Variants in RPAP3 observed in about 807,000 individuals in gnomAD.
RPAP3 encodes the protein RNA polymerase II-associated protein 3.
RPAP3 carries 58 observed loss-of-function variants against 88.8 expected under a neutral mutation model. The ratio of observed to expected loss-of-function variants is 0.65; its 90% confidence interval spans 0.53 to 0.81. The LOEUF is 0.81. Among genes scored for constraint, RPAP3 ranks in the 40% least tolerant of loss-of-function variants. The probability of loss-of-function intolerance (pLI) is 0.00; values close to 1 mark genes in which losing one functional copy is unlikely to be tolerated. For synonymous variants in RPAP3, 255 were observed against 259.9 expected (o/e 0.98, Z 0.18); for missense variants, 751 against 764.3 (o/e 0.98, Z 0.20).
chr12:47,695,895 CAT>C (rs1197360990), intron 5 of RPAP3: 1 of 154,124 alleles, frequency 6.5e-6, no homozygotes, highest in African/African-American at 2.4e-5. Flanking sequence ...AATGTTGAAA[CAT>C]ATTTTAAGTT....
At chr12:47,698,632 C>T (rs1939584699) in intron 3 of RPAP3, among the ~76,000 whole-genome samples, 1 of 152,112 alleles carries the variant, frequency 6.6e-6, no homozygotes, top group Non-Finnish European at 1.5e-5. Context: ...TCCCACCTCG[C>T]TCTCCCAAGT....
At chr12:47,677,173 C>A (rs974275055) in intron 12 of RPAP3, among the ~76,000 whole-genome samples, 2 of 152,122 alleles carry the variant, frequency 1.3e-5, no homozygotes. Context: ...GCAGAAAAGG[C>A]CTTTGACAAA....
At chr12:47,673,948 T>TA (rs1351769074) in intron 12 of RPAP3, among the ~76,000 whole-genome samples, 3 of 150,866 alleles carry the variant, frequency 2.0e-5, no homozygotes, top group Non-Finnish European at 4.4e-5. Flanking sequence ...TCCTTTAATA[T>TA]AAGAGAAATA....
At chr12:47,681,935 C>T in intron 9 of RPAP3, 118 bp from the exon 10 acceptor site, 2 of 986,542 alleles carry the variant, frequency 2.0e-6, no homozygotes, top group Non-Finnish European at 2.8e-6. Context: ...ACTTCTAAAT[C>T]TGTGTTTGAA....
intron 9 of RPAP3, 132 bp from the exon 10 acceptor site, chr12:47,681,949 G>A: frequency 1.2e-6 from 1 of 830,418 alleles, no homozygotes; most frequent in Non-Finnish European, 1.7e-6. Context: ...GTTTGAAGTG[G>A]AGAACTATTT....
chr12:47,677,449 A>G (rs1313396011), intron 12 of RPAP3, among the ~76,000 whole-genome samples: 1 of 152,142 alleles, frequency 6.6e-6, no homozygotes, highest in Non-Finnish European at 1.5e-5. Flanking sequence ...GAGGAAGTCA[A>G]ATTGTTGTGT....
rs1033277242 is a variant in RPAP3, at chr12:47,686,901, C to A, written c.871G>T (p.Gly291Ter). ...QAISEKDRGN[G>*]FFKEGKYERA... ...TCATATTTCCCCTCTTTGAAAAATC[C>A]ATTCCCCTGTTATTTTGTAGAGAGA... The change falls in exon 9 of 17, where the codon GGA (glycine) becomes TGA (stop). Residue 291 changes from glycine to a stop codon, truncating the protein, a stop_gained. Transcript: ENST00000005386. LOFTEE classifies it high-confidence loss of function. The A allele has an allele frequency of 2.5e-6, 4 of 1,585,894 alleles. No individual in the cohort carries two copies. The highest frequency in any genetic ancestry group is 1.8e-5 in the Admixed American group (1 of 55,540).
Position 47,662,228 on chromosome 12 carries a change from T to C in RPAP3, c.*1277A>G, listed in dbSNP as rs1565710564. 6.6e-6 allele frequency: 1 copy of C among 152,194 alleles called. No individual in the cohort carries two copies. The highest frequency in any genetic ancestry group is 1.5e-5 in the Non-Finnish European group (1 of 68,042). 9.4% of individuals were successfully genotyped at this position (152,194 alleles called of 1,614,324 possible). On this transcript the variant is annotated 3_prime_UTR_variant, in exon 17 of 17. Transcript: ENST00000005386. ...TATGAATTTGTGGGGGATATAAACA[T>C]TCAGATCATAGCAGATAAAAAGCTA...
chr12:47,698,759 G>A (rs533209936), intron 3 of RPAP3, among the ~76,000 whole-genome samples: 18 of 152,134 alleles, frequency 1.2e-4, no homozygotes, highest in South Asian at 6.2e-4. Flanking sequence ...CAATCTGCCC[G>A]CCTCAGCCTC....
chr12:47,678,992 A>G (rs1476680852), intron 12 of RPAP3, among the ~76,000 whole-genome samples: 1 of 152,222 alleles, frequency 6.6e-6, no homozygotes, highest in Non-Finnish European at 1.5e-5. Flanking sequence ...AAGACTTGGA[A>G]CCAACCCAAA....
chr12:47,696,368 TTCA>T lies in RPAP3; in HGVS notation c.450_452del (p.Asp150del), dbSNP rs758071794. ...TGCCTTTTGTGTAGCAGTCAATTGC[TTCA>T]TCATATTTTCCTTGTTTGAAGTATT... On this transcript the variant is annotated inframe_deletion, in exon 5 of 17. Transcript: ENST00000005386. 42 of 1,595,274 alleles carry T rather than the reference TTCA, an allele frequency of 2.6e-5. No homozygotes were observed. The highest frequency in any genetic ancestry group is 3.5e-5 in the Non-Finnish European group (41 of 1,169,406).
intron 10 of RPAP3, 26 bp from the exon 11 acceptor site, chr12:47,679,800 AC>A: frequency 7.5e-6 from 11 of 1,465,020 alleles, no homozygotes; most frequent in Non-Finnish European, 1.0e-5. Context: ...TAAAAACATT[AC>A]AACATAGTTA....
At chr12:47,693,866 C>G (rs991101639) in intron 5 of RPAP3, among the ~76,000 whole-genome samples, 1 of 152,132 alleles carries the variant, frequency 6.6e-6, no homozygotes, top group South Asian at 2.1e-4. Context: ...GACAAACAAA[C>G]AAAACATCTA....
intron 3 of RPAP3, among the ~76,000 whole-genome samples, chr12:47,698,325 T>C (rs1939579164): frequency 6.6e-6 from 1 of 152,110 alleles, no homozygotes; most frequent in East Asian, 1.9e-4. Context: ...CGATATGTTA[T>C]ACTGTCTCTC....
At chr12:47,679,329 T>A (rs1439094943) in intron 12 of RPAP3, among the ~76,000 whole-genome samples, 164 bp downstream of exon 12, 1 of 152,060 alleles carries the variant, frequency 6.6e-6, no homozygotes, top group East Asian at 1.9e-4. Flanking sequence ...CAAACCAACA[T>A]GGCACATGTA....
chr12:47,667,834 C>A lies in RPAP3; in HGVS notation c.1731G>T (p.Leu577Phe). The A allele has an allele frequency of 6.3e-7, 1 of 1,593,704 alleles. No homozygotes were observed. Among genetic ancestry groups the A allele is most frequent in the South Asian group, 1.1e-5 (1 of 88,188 alleles). Residue 577 changes from leucine to phenylalanine, a missense_variant, in exon 15 of 17, where the codon TTG becomes TTT. Physicochemically the swap from Leu to Phe is conservative, Grantham distance 22. Transcript: ENST00000005386. ...GATTTTTCTGAAACAACTTAGGATA[C>A]AAAGATGGTTCAATTTGCTTGAAAA... ...YQYLKQIEPSLYPKLFQKNLD... is the reference protein window; with the variant it reads ...YQYLKQIEPSFYPKLFQKNLD...
rs377599159 is a variant in RPAP3 at position 47,670,167 on chromosome 12, C to T, written c.1466G>A (p.Ser489Asn). The change falls in exon 13 of 17, where the codon AGT becomes AAT. Residue 489 changes from serine (S) to asparagine (N), a missense_variant. By Grantham distance (46) the Ser-to-Asn change is conservative (BLOSUM62 1). Coordinates refer to ENST00000005386, the MANE Select transcript of RPAP3 (RefSeq NM_024604.3). ...NSSQDDLFPT[S>N]DTPRAKVLKI... ...CAATACTTTTGCTCTTGGAGTATCA[C>T]TTGTGGGAAAAAGGTCATCTTGGCT... is the stretch of plus-strand genomic sequence containing the variant. 17 of 1,613,830 alleles carry T rather than the reference C, an allele frequency of 1.1e-5. No homozygotes were observed. The highest frequency in any genetic ancestry group is 9.3e-5 in the African/African-American group (7 of 74,924).
chr12:47,684,501 C>T (rs1939285090), intron 9 of RPAP3, among the ~76,000 whole-genome samples: 2 of 152,092 alleles, frequency 1.3e-5, no homozygotes, highest in African/African-American at 4.8e-5. Context: ...TACATAACAA[C>T]AGTCTCCATG....
chr12:47,667,316 T>G (rs1938896572), intron 15 of RPAP3, among the ~76,000 whole-genome samples: 1 of 152,226 alleles, frequency 6.6e-6, no homozygotes, highest in Non-Finnish European at 1.5e-5. Context: ...ACTGGTCATT[T>G]CCATACCCTA....
Sources: gnomAD v4.1 joint callset for allele counts (sites outside exome capture counted in the v4.1 genomes callset) on GRCh38, gnomAD v4.1.1 for gene constraint, MANE v1.5 for transcripts, NCBI Gene and HGNC (gene_info 2026-07-23, HGNC 2026-07-21) for gene names.